Variants in FSTL4 observed in about 807,000 individuals in gnomAD.
The protein encoded by FSTL4 is follistatin like 4, also known as follistatin-related protein 4.
A neutral mutation model predicts 78.2 loss-of-function variants in FSTL4; 28 were observed. That is an observed-to-expected ratio of 0.36 (90% CI 0.27 to 0.49). The LOEUF is 0.49. Among genes scored for constraint, FSTL4 ranks in the 20% least tolerant of loss-of-function variants. The pLI, the probability that FSTL4 is intolerant of heterozygous loss-of-function variation, is 0.98. For synonymous variants in FSTL4, 422 were observed against 440.5 expected, an observed-to-expected ratio of 0.96 and a Z score of 0.53; for missense variants, 922 against 1,084.9, an observed-to-expected ratio of 0.85 and a Z score of 2.11.
the FSTL4 span, among the ~76,000 whole-genome samples, chr5:133,705,434 C>T: frequency 8.3e-4 from 127 of 152,290 alleles, 3 homozygotes; most frequent in East Asian, 0.017. Flanking sequence ...GCTCCACACA[C>T]CTCCTTCTGG....
the FSTL4 span, among the ~76,000 whole-genome samples, chr5:133,818,592 C>G: frequency 6.6e-6 from 1 of 152,042 alleles, no homozygotes; most frequent in African/African-American, 2.4e-5. Context: ...CAGAATCTCC[C>G]GGCGGACATA....
intron 3 of FSTL4, among the ~76,000 whole-genome samples, chr5:133,471,870 A>G (rs1757832576): frequency 6.6e-6 from 1 of 152,160 alleles, no homozygotes; most frequent in Non-Finnish European, 1.5e-5. Flanking sequence ...TTAACACTAC[A>G]CTTTTCATCC....
chr5:133,479,374 G>A (rs1554117844), intron 3 of FSTL4, among the ~76,000 whole-genome samples: 1 of 152,250 alleles, frequency 6.6e-6, no homozygotes, highest in Non-Finnish European at 1.5e-5. Flanking sequence ...TGTCTATACC[G>A]AGGCCGTAAG....
chr5:133,834,768 A>G, the FSTL4 span, among the ~76,000 whole-genome samples: 4 of 152,144 alleles, frequency 2.6e-5, no homozygotes, highest in African/African-American at 9.6e-5. Flanking sequence ...TCTTGACACA[A>G]TTGAAAAGTT....
At chr5:133,555,022 C>G (rs990376059) in intron 3 of FSTL4, among the ~76,000 whole-genome samples, 11 of 152,144 alleles carry the variant, frequency 7.2e-5, no homozygotes, top group African/African-American at 1.4e-4. Flanking sequence ...CAATGTAGCA[C>G]CTGACACATG....
In FSTL4 at chr5:133,386,226, C is replaced by T. The variant is rs527975035; in HGVS notation, c.409+14512G>A. On this transcript the variant is annotated intron_variant, in intron 4 of 15. Transcript: ENST00000265342. ...TTTGAGTTAGTTGTTACCCTGCCCT[C>T]CATTCTCATCCAATCTCTGGTTTTT... Among the ~76,000 whole-genome samples the T allele has an allele frequency of 1.1e-3, 163 of 152,310 alleles. 1 individual carries two copies. Among genetic ancestry groups the T allele is most frequent in the African/African-American group, 3.8e-3 (156 of 41,560 alleles).
the FSTL4 span, among the ~76,000 whole-genome samples, chr5:133,666,321 TA>T: frequency 1.3e-5 from 2 of 152,204 alleles, no homozygotes; most frequent in African/African-American, 4.8e-5. Flanking sequence ...ATAGTTACTT[TA>T]AAAAAATCTA....
intron 3 of FSTL4, among the ~76,000 whole-genome samples, chr5:133,484,316 G>A (rs1012010018): frequency 1.1e-4 from 16 of 152,176 alleles, no homozygotes; most frequent in Non-Finnish European, 2.1e-4. Context: ...GAACTTTGAC[G>A]ATGACACTGG....
At chr5:133,641,094 A>G in the FSTL4 span, among the ~76,000 whole-genome samples, 1 of 152,212 alleles carries the variant, frequency 6.6e-6, no homozygotes, top group Non-Finnish European at 1.5e-5. Context: ...TCCTAGAGTC[A>G]TGAAGTCATT....
At position 133,482,945 on chromosome 5, in the gene FSTL4, C is replaced by A. The variant is rs1429779407; in HGVS notation, c.161-81959G>T. 5.9e-5 allele frequency among the ~76,000 whole-genome samples: 9 copies of A among 152,182 alleles called. No individual in the cohort carries two copies. The East Asian group carries it at 1.7e-3, about 29-fold the overall frequency. ...ACTTGCAGGCTGTCATGGACCAAAG[C>A]CACCTATGGAGAATGATATGGTTTG... On this transcript the variant is annotated intron_variant, in intron 3 of 15. Transcript: ENST00000265342.
intron 15 of FSTL4, among the ~76,000 whole-genome samples, chr5:133,201,156 A>T (rs1298403886): frequency 6.6e-6 from 1 of 152,202 alleles, no homozygotes; most frequent in Non-Finnish European, 1.5e-5. Context: ...CGGATTATAG[A>T]AAGGTATAAA....
chr5:133,656,093 T>C, the FSTL4 span, among the ~76,000 whole-genome samples: 1 of 152,284 alleles, frequency 6.6e-6, no homozygotes, highest in African/African-American at 2.4e-5. Flanking sequence ...TGCATTCTCC[T>C]AGAAGCAAAC....
chr5:133,766,450 G>A, the FSTL4 span, among the ~76,000 whole-genome samples: 2 of 152,206 alleles, frequency 1.3e-5, no homozygotes, highest in African/African-American at 2.4e-5. Flanking sequence ...GACTCAGCTT[G>A]TATTTTCCTA....
chr5:133,517,076 C>CAAA (rs33961033), intron 3 of FSTL4, among the ~76,000 whole-genome samples: 12 of 138,128 alleles, frequency 8.7e-5, no homozygotes, highest in Middle Eastern at 3.7e-3. Context: ...GACCCTGTCT[C>CAAA]AAAAAAAAAA....
the FSTL4 span, among the ~76,000 whole-genome samples, chr5:133,655,716 A>AG: frequency 6.6e-6 from 1 of 152,222 alleles, no homozygotes; most frequent in Non-Finnish European, 1.5e-5. Flanking sequence ...GGGAAAAAAA[A>AG]GACAAGGTAA....
At chr5:133,529,027 C>A (rs1303171774) in intron 3 of FSTL4, among the ~76,000 whole-genome samples, 1 of 152,126 alleles carries the variant, frequency 6.6e-6, no homozygotes, top group Admixed American at 6.5e-5. Context: ...GCTCTTGCTC[C>A]GGCTGCCTGG....
At chr5:133,563,430 T>C (rs1759963488) in intron 3 of FSTL4, among the ~76,000 whole-genome samples, 3 of 152,178 alleles carry the variant, frequency 2.0e-5, no homozygotes, top group Admixed American at 6.5e-5. Context: ...CCCAGAAGCA[T>C]TCCTCATCCC....
chr5:133,810,302 T>A, the FSTL4 span, among the ~76,000 whole-genome samples: 1 of 152,238 alleles, frequency 6.6e-6, no homozygotes, highest in African/African-American at 2.4e-5. Context: ...GGCACAGCCT[T>A]CCCAGGAGCC....
the FSTL4 span, among the ~76,000 whole-genome samples, chr5:133,742,955 G>C: frequency 6.6e-6 from 1 of 152,176 alleles, no homozygotes; most frequent in Non-Finnish European, 1.5e-5. Context: ...TCATCCCCGG[G>C]TGTGACTGTT....
Sources: allele counts gnomAD v4.1 joint callset (sites outside exome capture counted in the v4.1 genomes callset), GRCh38; gene constraint gnomAD v4.1.1; transcripts MANE v1.5; gene names NCBI Gene and HGNC (gene_info 2026-07-23, HGNC 2026-07-21).